Variants in FGF3 observed in about 807,000 individuals in gnomAD.
The protein encoded by FGF3 is fibroblast growth factor 3.
A neutral mutation model predicts 9.8 loss-of-function variants in FGF3; 7 were observed. The observed-to-expected ratio is 0.72, with a 90% CI of 0.41 to 1.35. The LOEUF (loss-of-function observed/expected upper bound fraction) is 1.35. Among genes scored for constraint, FGF3 ranks in the 40% most tolerant of loss-of-function variants. The pLI is 0.01. For synonymous variants in FGF3, 173 were observed against 157.2 expected (o/e 1.10, Z -0.75); for missense variants, 390 against 345.6 (o/e 1.13, Z -1.02).
At chr11:69,818,564 T>A in intron 1 of FGF3, 150 bp downstream of exon 1, 2 of 519,882 alleles carry the variant, frequency 3.8e-6, no homozygotes, top group Non-Finnish European at 6.2e-6. Flanking sequence ...GACGGTCTTT[T>A]CCCGGACACC....
chr11:69,815,861 G>T (rs1856123754), intron 2 of FGF3, among the ~76,000 whole-genome samples: 1 of 152,152 alleles, frequency 6.6e-6, no homozygotes, highest in Non-Finnish European at 1.5e-5. Context: ...CTAGGCTTCA[G>T]CTCTCGCCTT....
At chr11:69,810,907 C>T (rs556064135) in intron 2 of FGF3, among the ~76,000 whole-genome samples, 1 of 152,352 alleles carries the variant, frequency 6.6e-6, no homozygotes, top group South Asian at 2.1e-4. Flanking sequence ...TGAACTTGGC[C>T]TTCTGCCTAA....
Position 69,819,069 on chromosome 11 carries a change from G to T in FGF3, c.-136C>A. 1 of 487,668 alleles carries T rather than the reference G, an allele frequency of 2.1e-6. No individual in the cohort carries two copies. The highest frequency in any genetic ancestry group is 3.5e-5 in the South Asian group (1 of 28,214). The allele number at this position is 487,668 out of a possible 1,614,324, so 30.2% of individuals were successfully genotyped here. ...GGAGATGCTGACTCCGGCTTCGCGG[G>T]AAAGGTGGGGGAAGAAGGGGGAAGG... On this transcript the variant is annotated 5_prime_UTR_variant, in exon 1 of 3. Coordinates refer to ENST00000334134, the MANE Select transcript of FGF3 (RefSeq NM_005247.4).
Position 69,819,071 on chromosome 11 carries a change from A to AAG in FGF3, c.-140_-139dup, listed in dbSNP as rs1554981489. 2.3e-6 allele frequency: 1 copy of AAG among 427,156 alleles called. No individual in the cohort carries two copies. Among genetic ancestry groups the AAG allele is most frequent in the Admixed American group, 4.8e-5 (1 of 20,946 alleles). The allele number at this position is 427,156 out of a possible 1,614,324, so 26.5% of individuals were successfully genotyped here. A position where few individuals can be genotyped will look rare whatever the true frequency, so the allele number is the denominator to read the frequency against. ...AGATGCTGACTCCGGCTTCGCGGGA[A>AAG]AGGTGGGGGAAGAAGGGGGAAGGGT... is the stretch of plus-strand genomic sequence containing the variant. On this transcript the variant is annotated 5_prime_UTR_variant, in exon 1 of 3. Transcript: ENST00000334134.
At chr11:69,813,333 C>T (rs542481367) in intron 2 of FGF3, among the ~76,000 whole-genome samples, 1 of 152,124 alleles carries the variant, frequency 6.6e-6, no homozygotes, top group Non-Finnish European at 1.5e-5. Context: ...TGGATGACAG[C>T]CCCCCTGGGA....
At chr11:69,818,190 C>T (rs1856172360) in intron 1 of FGF3, among the ~76,000 whole-genome samples, 1 of 152,084 alleles carries the variant, frequency 6.6e-6, no homozygotes, top group African/African-American at 2.4e-5. Flanking sequence ...CCTGGGCAGC[C>T]GCGAGCGGGG....
At position 69,810,272 on chromosome 11, in the gene FGF3, G is replaced by T. The variant is rs999346695; in HGVS notation, c.*33C>A. On this transcript the variant is annotated 3_prime_UTR_variant, in exon 3 of 3. Coordinates refer to ENST00000334134, the MANE Select transcript of FGF3 (RefSeq NM_005247.4). The stretch of plus-strand genomic sequence containing the variant: ...CAAGAGGCTGCCACGCCAAGATGTC[G>T]CCAGGAGCTCTGGCGGTGGCCACCA... 1 of 1,527,438 alleles carries T rather than the reference G, an allele frequency of 6.5e-7. No homozygotes were observed. The highest frequency in any genetic ancestry group is 8.8e-7 in the Non-Finnish European group (1 of 1,130,516). The allele number at this position is 1,527,438 out of a possible 1,614,324, so 94.6% of individuals were successfully genotyped here.
Position 69,816,401 on chromosome 11 carries a change from C to T in FGF3, c.243G>A (p.Val81=). The T allele has an allele frequency of 6.2e-7, 1 of 1,613,964 alleles. No individual in the cohort carries two copies. Among genetic ancestry groups the T allele is most frequent in the Non-Finnish European group, 8.5e-7 (1 of 1,179,868 alleles). ...SAYSILEITA[V]EVGIVAIRGL... is the part of the protein sequence containing the mutation. ...CCCTGATGGCCACAATGCCCACCTC[C>T]ACTGCCGTTATCTCCAAAATACCTA... The change falls in exon 2 of 3, where the codon GTG becomes GTA. Residue 81 remains valine (V), a synonymous_variant. Coordinates refer to ENST00000334134, the MANE Select transcript of FGF3 (RefSeq NM_005247.4).
At chr11:69,818,055 C>G (rs1000473324) in intron 1 of FGF3, among the ~76,000 whole-genome samples, 10 of 152,070 alleles carry the variant, frequency 6.6e-5, no homozygotes, top group Non-Finnish European at 1.0e-4. Context: ...GCTGTGCGGC[C>G]AGGGCGGAGG....
chr11:69,815,821 C>A (rs1017014553), intron 2 of FGF3, among the ~76,000 whole-genome samples: 1 of 152,122 alleles, frequency 6.6e-6, no homozygotes, highest in African/African-American at 2.4e-5. Context: ...CCTGTGTGCC[C>A]GGGACATGGG....
In FGF3 at chr11:69,819,289, G is replaced by A. The variant is rs2119942801; in HGVS notation, c.-356C>T. Among the ~76,000 whole-genome samples the A allele has an allele frequency of 6.6e-6, 1 of 151,566 alleles. No individual in the cohort carries two copies. The highest frequency in any genetic ancestry group is 1.5e-5 in the Non-Finnish European group (1 of 67,698). ...CGGGAGGGGCGGGAGGCCGGCGGGT[G>A]GGGAGCCCCGCGGGGCTCGGGGTTC... is the stretch of plus-strand genomic sequence containing the variant. On this transcript the variant is annotated 5_prime_UTR_variant, in exon 1 of 3. Transcript: ENST00000334134.
chr11:69,816,064 G>A (rs1284687849), intron 2 of FGF3, among the ~76,000 whole-genome samples: 1 of 152,158 alleles, frequency 6.6e-6, no homozygotes, highest in Admixed American at 6.5e-5. Flanking sequence ...AAGGATGGGG[G>A]AAACCTTTGC....
chr11:69,813,331 A>G (rs12224505), intron 2 of FGF3, among the ~76,000 whole-genome samples: 75,157 of 152,086 alleles, frequency 0.49, 18,842 homozygotes, highest in East Asian at 0.62. Flanking sequence ...TCTGGATGAC[A>G]GCCCCCCTGG....
rs1201039530 is a variant in FGF3, at chr11:69,810,081, C to T, written c.*224G>A. The T allele has an allele frequency of 3.9e-6, 2 of 512,982 alleles. No homozygotes were observed. The highest frequency in any genetic ancestry group is 5.0e-4 in the Middle Eastern group (1 of 1,990). The allele number at this position is 512,982 out of a possible 1,614,324, so 31.8% of individuals were successfully genotyped here. A position where few individuals can be genotyped will look rare whatever the true frequency, so the allele number is the denominator to read the frequency against. The stretch of plus-strand genomic sequence containing the variant: ...ACTCAGGCCCTTCCCTGCCGGCTTC[C>T]TGCCACACAGACCCACAAATGCCCT... On this transcript the variant is annotated 3_prime_UTR_variant, in exon 3 of 3. Coordinates refer to ENST00000334134, the MANE Select transcript of FGF3 (RefSeq NM_005247.4).
chr11:69,812,354 C>A (rs1258211660), intron 2 of FGF3, among the ~76,000 whole-genome samples: 1 of 152,078 alleles, frequency 6.6e-6, no homozygotes, highest in Admixed American at 6.5e-5. Context: ...TGTTTTTCAG[C>A]GACATGAAAG....
At chr11:69,817,200 C>T (rs947472733) in intron 1 of FGF3, among the ~76,000 whole-genome samples, 14 of 152,206 alleles carry the variant, frequency 9.2e-5, no homozygotes, top group African/African-American at 3.4e-4. Flanking sequence ...TCATTGTCTC[C>T]CAATAGAGGC....
Position 69,810,375 on chromosome 11 carries a change from G to C in FGF3, c.650C>G (p.Pro217Arg), listed in dbSNP as rs781929547. ...AACGTGAGAGGGCTCCAGGTTATCC[G>C]GGCTCTGCTTCTGCCGCCGCCGTCG... is the stretch of plus-strand genomic sequence containing the variant. ...QPRRRRQKQS[P>R]DNLEPSHVQA... The change falls in exon 3 of 3, where the codon CCG (proline) becomes CGG (arginine). Residue 217 changes from proline (P) to arginine (R), a missense_variant. Coordinates refer to ENST00000334134, the MANE Select transcript of FGF3 (RefSeq NM_005247.4). 2.6e-6 allele frequency: 4 copies of C among 1,563,156 alleles called. No individual in the cohort carries two copies. Among genetic ancestry groups the C allele is most frequent in the Non-Finnish European group, 3.5e-6 (4 of 1,150,540 alleles).
At chr11:69,813,688 G>A (rs1170865143) in intron 2 of FGF3, among the ~76,000 whole-genome samples, 12 of 108,732 alleles carry the variant, frequency 1.1e-4, no homozygotes, top group East Asian at 3.2e-4. Flanking sequence ...GGATGGATGG[G>A]TGGATGGATG....
intron 1 of FGF3, chr11:69,817,642 AG>A (rs1856157944): frequency 1.3e-5 from 2 of 152,300 alleles, no homozygotes; most frequent in South Asian, 4.1e-4. Flanking sequence ...ACGCCCTCTC[AG>A]GGCTGCGGCT....
Sources: gnomAD v4.1 joint callset for allele counts (sites outside exome capture counted in the v4.1 genomes callset) on GRCh38, gnomAD v4.1.1 for gene constraint, MANE v1.5 for transcripts, NCBI Gene and HGNC (gene_info 2026-07-23, HGNC 2026-07-21) for gene names.